Variants in SCHIP1 observed in about 807,000 individuals in gnomAD.
The protein encoded by SCHIP1 is schwannomin interacting protein 1.
In SCHIP1, 8 loss-of-function variants were observed where a neutral mutation model predicts 29.7. The ratio of observed to expected loss-of-function variants is 0.27; its 90% CI spans 0.16 to 0.49. SCHIP1 has a LOEUF of 0.49. Among genes scored for constraint, SCHIP1 ranks in the 20% least tolerant of loss-of-function variants. The probability of loss-of-function intolerance (pLI) is 0.99; values close to 1 mark genes in which losing one functional copy is unlikely to be tolerated. For synonymous variants in SCHIP1, 76 were observed against 94.9 expected (o/e 0.80, Z 1.16); for missense variants, 193 against 294.6 (o/e 0.66, Z 2.52).
chr3:159,369,643 T>C, the SCHIP1 span, among the ~76,000 whole-genome samples: 2 of 148,820 alleles, frequency 1.3e-5, no homozygotes, highest in South Asian at 2.1e-4. Context: ...TTGTCATGAA[T>C]ATAAATAAAA....
the SCHIP1 span, among the ~76,000 whole-genome samples, chr3:159,336,027 A>G: frequency 1.6e-4 from 25 of 152,216 alleles, 1 homozygote; most frequent in Admixed American, 3.3e-4. Flanking sequence ...CTTTTCAATG[A>G]TCACCATTCT....
At chr3:159,373,178 T>C in the SCHIP1 span, among the ~76,000 whole-genome samples, 2 of 151,902 alleles carry the variant, frequency 1.3e-5, no homozygotes, top group African/African-American at 4.8e-5. Flanking sequence ...CATATGAATG[T>C]AGCTCTCTTA....
chr3:159,847,783 T>A (rs573689340), intron 1 of SCHIP1, among the ~76,000 whole-genome samples: 6 of 152,332 alleles, frequency 3.9e-5, no homozygotes, highest in East Asian at 1.9e-4. Context: ...TTTAATTTTT[T>A]AAAAATCTAT....
At chr3:159,358,254 G>A in the SCHIP1 span, among the ~76,000 whole-genome samples, 1 of 152,248 alleles carries the variant, frequency 6.6e-6, no homozygotes, top group South Asian at 2.1e-4. Context: ...CAGTGTCTTC[G>A]ATTATCCCCA....
chr3:159,619,438 A>G, the SCHIP1 span, among the ~76,000 whole-genome samples: 5,908 of 152,278 alleles, frequency 0.039, 391 homozygotes, highest in African/African-American at 0.13. Context: ...ATGAAAACAG[A>G]GGGATTAACA....
At chr3:159,633,699 A>G in the SCHIP1 span, among the ~76,000 whole-genome samples, 17 of 152,352 alleles carry the variant, frequency 1.1e-4, no homozygotes, top group East Asian at 3.3e-3. Context: ...ATATTTTTCC[A>G]TATATATGGC....
the SCHIP1 span, among the ~76,000 whole-genome samples, chr3:159,601,788 T>TA: frequency 6.6e-6 from 1 of 152,352 alleles, no homozygotes; most frequent in East Asian, 1.9e-4. Flanking sequence ...CCCTGTGGAC[T>TA]AGAGTACTGG....
At chr3:159,375,467 G>A in the SCHIP1 span, among the ~76,000 whole-genome samples, 9 of 152,218 alleles carry the variant, frequency 5.9e-5, no homozygotes, top group African/African-American at 1.9e-4. Flanking sequence ...ATGGCTGGGC[G>A]TGCTCACGCC....
chr3:159,892,943 T>C (rs1438339367), intron 6 of SCHIP1: 1 of 152,242 alleles, frequency 6.6e-6, no homozygotes, highest in East Asian at 1.9e-4. Flanking sequence ...CAACAGACAG[T>C]AATTGCTATT....
At chr3:159,863,341 C>CA (rs113908634) in intron 1 of SCHIP1, among the ~76,000 whole-genome samples, 23,081 of 141,510 alleles carry the variant, frequency 0.16, 1,995 homozygotes, top group African/African-American at 0.26. Context: ...TCCATCTCAC[C>CA]AAAAAAAAAA....
the SCHIP1 span, among the ~76,000 whole-genome samples, chr3:159,288,594 G>T: frequency 5.3e-5 from 8 of 152,304 alleles, no homozygotes; most frequent in East Asian, 1.5e-3. Context: ...AATATTAGCT[G>T]GGCATGGTGG....
chr3:159,829,751 G>A, the SCHIP1 span, among the ~76,000 whole-genome samples: 1 of 152,132 alleles, frequency 6.6e-6, no homozygotes, highest in Admixed American at 6.6e-5. Context: ...ATAAAATTAC[G>A]CAAGTTGCCC....
At chr3:159,758,445 G>A in the SCHIP1 span, among the ~76,000 whole-genome samples, 121 of 152,212 alleles carry the variant, frequency 7.9e-4, no homozygotes, top group Non-Finnish European at 1.4e-3. Context: ...GCCACCACAC[G>A]TGGCCCAGAC....
chr3:159,455,024 C>T, the SCHIP1 span, among the ~76,000 whole-genome samples: 7 of 152,108 alleles, frequency 4.6e-5, no homozygotes, highest in South Asian at 4.2e-4. Context: ...TTGTTAAGGA[C>T]GGAACCCCAG....
At chr3:159,383,468 T>G in the SCHIP1 span, among the ~76,000 whole-genome samples, 1 of 151,970 alleles carries the variant, frequency 6.6e-6, no homozygotes, top group African/African-American at 2.4e-5. Flanking sequence ...TTGATCTATA[T>G]CTCTCTTTTG....
chr3:159,373,034 A>G, the SCHIP1 span, among the ~76,000 whole-genome samples: 1 of 151,660 alleles, frequency 6.6e-6, no homozygotes, highest in Non-Finnish European at 1.5e-5. Flanking sequence ...ATCCATTTAA[A>G]TTTAAATTTG....
At chr3:159,488,993 A>G in the SCHIP1 span, among the ~76,000 whole-genome samples, 1 of 152,118 alleles carries the variant, frequency 6.6e-6, no homozygotes. Flanking sequence ...GTACATGCTT[A>G]TTGTCCAAAT....
At chr3:159,426,078 C>A in the SCHIP1 span, among the ~76,000 whole-genome samples, 4 of 151,758 alleles carry the variant, frequency 2.6e-5, no homozygotes, top group South Asian at 2.1e-4. Context: ...TAAATGCCCA[C>A]AAGAGAAAGC....
At chr3:159,557,824 G>GAA in the SCHIP1 span, among the ~76,000 whole-genome samples, 1 of 152,110 alleles carries the variant, frequency 6.6e-6, no homozygotes, top group Admixed American at 6.6e-5. Context: ...TCTTCTCTAG[G>GAA]AAAAAGGTAT....
Sources: gnomAD v4.1 joint callset for allele counts (sites outside exome capture counted in the v4.1 genomes callset) on GRCh38, gnomAD v4.1.1 for gene constraint, MANE v1.5 for transcripts, NCBI Gene and HGNC (gene_info 2026-07-23, HGNC 2026-07-21) for gene names.